Variants in MDGA2 observed in about 807,000 individuals in gnomAD.
The protein encoded by MDGA2 is MAM domain-containing glycosylphosphatidylinositol anchor protein 2.
MDGA2 carries 40 observed loss-of-function variants against 117.8 expected under a neutral mutation model. That is an observed-to-expected ratio of 0.34 (90% confidence interval 0.26 to 0.44). The LOEUF is 0.44. MDGA2 is among the 20% of genes least tolerant of loss of function. The probability of loss-of-function intolerance (pLI) is 1.00; values close to 1 mark genes in which losing one functional copy is unlikely to be tolerated. For missense variants in MDGA2, 1,123 were observed against 1,250.6 expected (o/e 0.90, Z 1.54); for synonymous variants, 452 against 439.0 (o/e 1.03, Z -0.37).
chr14:47,566,203 C>T (rs1895915985), intron 1 of MDGA2, among the ~76,000 whole-genome samples: 2 of 152,132 alleles, frequency 1.3e-5, no homozygotes, highest in South Asian at 4.1e-4. Context: ...TGTGTGTCAG[C>T]AAGGGCTGCT....
chr14:47,556,819 C>A (rs1410411473), intron 1 of MDGA2, among the ~76,000 whole-genome samples: 2 of 152,210 alleles, frequency 1.3e-5, no homozygotes, highest in East Asian at 3.8e-4. Context: ...CTCGCTCCTT[C>A]TGTAAGCTTT....
rs921702805 is a variant in MDGA2 at position 47,416,288 on chromosome 14, T to A, written c.281-114738A>T. 7.4e-5 allele frequency among the ~76,000 whole-genome samples: 9 copies of A among 122,326 alleles called. No individual in the cohort carries two copies. In the South Asian group the frequency reaches 1.9e-3, roughly 26 times the overall value. The allele number at this position is 122,326 out of a possible 152,430, so 80.3% of individuals were successfully genotyped here. A position where few individuals can be genotyped will look rare whatever the true frequency, so the allele number is the denominator to read the frequency against. ...ACAGGAATAGCATAGATATTCCTCT[T>A]CCAAAAAAGAAAAAGAAATAGGAAA... On this transcript the variant is annotated intron_variant, in intron 1 of 16. Coordinates refer to ENST00000399232, the MANE Select transcript of MDGA2 (RefSeq NM_001113498.3).
chr14:47,532,887 C>T (rs1162486207), intron 1 of MDGA2, among the ~76,000 whole-genome samples: 1 of 152,156 alleles, frequency 6.6e-6, no homozygotes, highest in Non-Finnish European at 1.5e-5. Flanking sequence ...CTATGCTTTC[C>T]TGTTCTTCCT....
At chr14:47,395,436 C>G (rs12586549) in intron 1 of MDGA2, among the ~76,000 whole-genome samples, 109,828 of 152,000 alleles carry the variant, frequency 0.72, 39,956 homozygotes, top group Middle Eastern at 0.82. Flanking sequence ...TACAATATTT[C>G]GTCTTTAATA....
chr14:47,313,627 T>A (rs2139849870), intron 1 of MDGA2, among the ~76,000 whole-genome samples: 1 of 152,300 alleles, frequency 6.6e-6, no homozygotes, highest in South Asian at 2.1e-4. Context: ...AAGTGGTCTA[T>A]ACATGTTCAA....
At chr14:47,673,631 G>A (rs1182086103) in intron 1 of MDGA2, among the ~76,000 whole-genome samples, 1 of 44,788 alleles carries the variant, frequency 2.2e-5, no homozygotes, top group Non-Finnish European at 4.6e-5. Flanking sequence ...CTATGACCTG[G>A]ATGTGTGTGT....
At chr14:46,951,085 A>G (rs1264473642) in intron 9 of MDGA2, among the ~76,000 whole-genome samples, 2 of 151,968 alleles carry the variant, frequency 1.3e-5, no homozygotes, top group African/African-American at 2.4e-5. Flanking sequence ...CAATATGAAT[A>G]TTGTAATATG....
intron 2 of MDGA2, among the ~76,000 whole-genome samples, chr14:47,231,305 A>C (rs1328347728): frequency 1.3e-5 from 2 of 152,078 alleles, no homozygotes; most frequent in Non-Finnish European, 2.9e-5. Flanking sequence ...ACTAAGTACT[A>C]GATCCTAAAT....
intron 1 of MDGA2, among the ~76,000 whole-genome samples, chr14:47,617,063 A>G (rs925850215): frequency 1.3e-5 from 2 of 152,170 alleles, no homozygotes; most frequent in African/African-American, 4.8e-5. Context: ...TGTTGGTATG[A>G]TCTTGTTACT....
intron 2 of MDGA2, among the ~76,000 whole-genome samples, chr14:47,220,571 A>C (rs1299151192): frequency 6.6e-6 from 1 of 151,992 alleles, no homozygotes; most frequent in African/African-American, 2.4e-5. Flanking sequence ...AAGTAGTAAA[A>C]TAGAAGAAAT....
rs1890913079 is a variant in MDGA2 at position 47,086,631 on chromosome 14, A to ATCTC, written c.1195+10222_1195+10223insGAGA. Among the ~76,000 whole-genome samples, 14 of 152,148 alleles carry ATCTC rather than the reference A, an allele frequency of 9.2e-5. 1 individual carries two copies. The South Asian group carries it at 2.7e-3, about 29-fold the overall frequency. ...ACATAGATTTTTTTTTACTTTAAAT[A>ATCTC]ATTATCAATAGTTTCTAATACTTCA... On this transcript the variant is annotated intron_variant, in intron 6 of 16. Transcript: ENST00000399232.
chr14:47,597,013 G>A (rs923914749), intron 1 of MDGA2, among the ~76,000 whole-genome samples: 1 of 152,066 alleles, frequency 6.6e-6, no homozygotes, highest in African/African-American at 2.4e-5. Context: ...AGGTGTTAGC[G>A]ACTCACTGTG....
intron 1 of MDGA2, among the ~76,000 whole-genome samples, chr14:47,662,811 T>C (rs1897874696): frequency 6.6e-6 from 1 of 152,214 alleles, no homozygotes; most frequent in Non-Finnish European, 1.5e-5. Flanking sequence ...AGTAATGATG[T>C]CATTATGGAG....
At chr14:47,475,032 C>G (rs1206123673) in intron 1 of MDGA2, among the ~76,000 whole-genome samples, 1 of 152,088 alleles carries the variant, frequency 6.6e-6, no homozygotes, top group South Asian at 2.1e-4. Context: ...AAACTATCAA[C>G]AGAGTAAACA....
At chr14:47,097,393 A>C (rs1880038417) in intron 5 of MDGA2, among the ~76,000 whole-genome samples, 2 of 152,048 alleles carry the variant, frequency 1.3e-5, no homozygotes, top group Non-Finnish European at 2.9e-5. Flanking sequence ...TGAAATTGGA[A>C]TAATAAGCAT....
chr14:47,565,929 T>G (rs1895909845), intron 1 of MDGA2, among the ~76,000 whole-genome samples: 1 of 152,052 alleles, frequency 6.6e-6, no homozygotes, highest in Non-Finnish European at 1.5e-5. Context: ...GCAATGGTAG[T>G]TTGGAGTGGG....
intron 1 of MDGA2, among the ~76,000 whole-genome samples, chr14:47,548,747 C>A (rs1895515103): frequency 6.6e-6 from 1 of 151,916 alleles, no homozygotes; most frequent in Non-Finnish European, 1.5e-5. Context: ...TGCACACAAC[C>A]CTGAATGTGG....
intron 8 of MDGA2, among the ~76,000 whole-genome samples, chr14:47,019,333 G>A (rs1442608256): frequency 6.6e-6 from 1 of 152,038 alleles, no homozygotes; most frequent in Non-Finnish European, 1.5e-5. Context: ...AGATACAGAG[G>A]ATACACTATA....
intron 2 of MDGA2, among the ~76,000 whole-genome samples, chr14:47,244,853 G>C (rs1437830949): frequency 6.6e-6 from 1 of 151,652 alleles, no homozygotes; most frequent in East Asian, 1.9e-4. Flanking sequence ...ATTTGTATGT[G>C]AATTTTCTTC....
Sources: gnomAD v4.1 joint callset for allele counts (sites outside exome capture counted in the v4.1 genomes callset) on GRCh38, gnomAD v4.1.1 for gene constraint, MANE v1.5 for transcripts, NCBI Gene and HGNC (gene_info 2026-07-23, HGNC 2026-07-21) for gene names.